Variants in CAMKMT observed in about 807,000 individuals in gnomAD.
CAMKMT encodes calmodulin-lysine N-methyltransferase.
A neutral mutation model predicts 48.0 loss-of-function variants in CAMKMT; 53 were observed. That is an observed-to-expected ratio of 1.10 (90% CI 0.89 to 1.39). CAMKMT has a LOEUF of 1.39. Ranked by LOEUF, CAMKMT falls within the 40% of genes most tolerant of loss-of-function variation. CAMKMT has a pLI of 0.00. For synonymous variants in CAMKMT, 165 were observed against 152.3 expected, an observed-to-expected ratio of 1.08 and a Z score of -0.61; for missense variants, 428 against 402.7, an observed-to-expected ratio of 1.06 and a Z score of -0.54.
rs192665253 is a variant in CAMKMT at position 44,511,371 on chromosome 2, C to T, written c.376+121066C>T. ...TGGCGCCATCTCGGCTCACTGCAAC[C>T]TCCGCCTACTAGGTTCAAGCAATTC... On this transcript the variant is annotated intron_variant, in intron 3 of 10. Coordinates refer to ENST00000378494, the MANE Select transcript of CAMKMT (RefSeq NM_024766.5). Among the ~76,000 whole-genome samples the T allele has an allele frequency of 1.1e-4, 17 of 152,310 alleles. No homozygotes were observed. The East Asian group carries it at 1.4e-3, about 12-fold the overall frequency.
In CAMKMT at chr2:44,756,169, G is replaced by C. The variant is rs192201447; in HGVS notation, c.762+2051G>C. Among the ~76,000 whole-genome samples, 15 of 152,308 alleles carry C rather than the reference G, an allele frequency of 9.8e-5. No homozygotes were observed. The East Asian group carries it at 2.9e-3, about 29-fold the overall frequency. On this transcript the variant is annotated intron_variant, in intron 9 of 10. Coordinates refer to ENST00000378494, the MANE Select transcript of CAMKMT (RefSeq NM_024766.5). ...CAAATGGACCACAGAAGGACCATGT[G>C]GGCTTGCCAGTGAAGAGCCCAGTCC...
intron 3 of CAMKMT, among the ~76,000 whole-genome samples, chr2:44,411,777 G>C (rs77643193): frequency 0.023 from 3,529 of 151,892 alleles, 155 homozygotes; most frequent in African/African-American, 0.081. Flanking sequence ...GTTTCCACCA[G>C]TTGCCTTAGT....
intron 3 of CAMKMT, among the ~76,000 whole-genome samples, chr2:44,405,434 A>G (rs1231421061): frequency 6.6e-6 from 1 of 152,132 alleles, no homozygotes; most frequent in African/African-American, 2.4e-5. Context: ...GGTGTTGAGT[A>G]ATGCATAAAA....
intron 3 of CAMKMT, among the ~76,000 whole-genome samples, chr2:44,629,123 C>G (rs147609724): frequency 1.1e-4 from 17 of 152,232 alleles, no homozygotes; most frequent in Non-Finnish European, 2.2e-4. Context: ...AGTGAAATCT[C>G]CTATATAATA....
chr2:44,463,272 A>T (rs1667940181), intron 3 of CAMKMT, among the ~76,000 whole-genome samples: 1 of 152,234 alleles, frequency 6.6e-6, no homozygotes, highest in Non-Finnish European at 1.5e-5. Flanking sequence ...CTGACTTAAC[A>T]ATATATGACC....
chr2:44,428,391 T>A (rs1684418704), intron 3 of CAMKMT, among the ~76,000 whole-genome samples: 1 of 152,212 alleles, frequency 6.6e-6, no homozygotes, highest in South Asian at 2.1e-4. Context: ...TTTCCTTCTC[T>A]GTTGTGCTGC....
intron 3 of CAMKMT, among the ~76,000 whole-genome samples, chr2:44,420,442 C>T (rs1370643056): frequency 6.6e-6 from 1 of 152,090 alleles, no homozygotes; most frequent in Non-Finnish European, 1.5e-5. Context: ...GCTGACTCCT[C>T]CCTAATCAAA....
At chr2:44,513,455 T>C (rs1254479717) in intron 3 of CAMKMT, among the ~76,000 whole-genome samples, 1 of 152,238 alleles carries the variant, frequency 6.6e-6, no homozygotes, top group East Asian at 1.9e-4. Context: ...GTGTCTGATA[T>C]ACCTTATCTC....
chr2:44,494,177 A>T (rs1056995879), intron 3 of CAMKMT, among the ~76,000 whole-genome samples: 1 of 152,262 alleles, frequency 6.6e-6, no homozygotes, highest in African/African-American at 2.4e-5. Flanking sequence ...TCAAAGAGAC[A>T]TACAGAAACC....
At chr2:44,551,049 C>T (rs1667687375) in intron 3 of CAMKMT, among the ~76,000 whole-genome samples, 1 of 152,110 alleles carries the variant, frequency 6.6e-6, no homozygotes, top group Non-Finnish European at 1.5e-5. Context: ...TGTAAAAAGT[C>T]TCATCTATTC....
intron 3 of CAMKMT, among the ~76,000 whole-genome samples, chr2:44,450,116 G>A (rs1247346817): frequency 1.3e-5 from 2 of 152,078 alleles, no homozygotes; most frequent in Non-Finnish European, 2.9e-5. Flanking sequence ...CTTTTACTGA[G>A]CAGTGGATTT....
intron 3 of CAMKMT, among the ~76,000 whole-genome samples, chr2:44,553,152 A>G (rs115720902): frequency 0.018 from 2,687 of 152,310 alleles, 31 homozygotes; most frequent in Middle Eastern, 0.075. Flanking sequence ...AGTAGACACT[A>G]TTTAAGTACC....
chr2:44,366,752 C>T (rs1678635552), intron 1 of CAMKMT, among the ~76,000 whole-genome samples: 1 of 136,950 alleles, frequency 7.3e-6, no homozygotes, highest in Non-Finnish European at 1.7e-5. Flanking sequence ...GACAAAGTCT[C>T]ACTCCATCAT....
chr2:44,685,108 G>T (rs887833213), intron 3 of CAMKMT, among the ~76,000 whole-genome samples: 1 of 151,872 alleles, frequency 6.6e-6, no homozygotes, highest in Non-Finnish European at 1.5e-5. Context: ...TCCTCAAGCA[G>T]TTTATGTTCA....
intron 6 of CAMKMT, among the ~76,000 whole-genome samples, chr2:44,712,741 AC>A (rs1322410393): frequency 6.6e-6 from 1 of 152,176 alleles, no homozygotes; most frequent in Non-Finnish European, 1.5e-5. Context: ...TTCAGAGAAC[AC>A]GATTTGGCCC....
At chr2:44,586,078 A>T (rs1352314135) in intron 3 of CAMKMT, among the ~76,000 whole-genome samples, 1 of 152,188 alleles carries the variant, frequency 6.6e-6, no homozygotes, top group African/African-American at 2.4e-5. Flanking sequence ...ACCACTCTTC[A>T]AATCGTACAG....
intron 3 of CAMKMT, among the ~76,000 whole-genome samples, chr2:44,553,960 G>T (rs1427527823): frequency 1.3e-5 from 2 of 152,154 alleles, no homozygotes; most frequent in African/African-American, 4.8e-5. Context: ...ATTTAAAAAA[G>T]AGGTTGTAGG....
chr2:44,401,499 G>A (rs1008092179), intron 3 of CAMKMT, among the ~76,000 whole-genome samples: 2 of 152,028 alleles, frequency 1.3e-5, no homozygotes, highest in Non-Finnish European at 2.9e-5. Flanking sequence ...GGAGGTTGCA[G>A]TGAGCTGAGA....
chr2:44,579,899 AT>A (rs10706499), intron 3 of CAMKMT, among the ~76,000 whole-genome samples: 97,841 of 152,036 alleles, frequency 0.64, 31,977 homozygotes, highest in Admixed American at 0.71. Context: ...AGTGACTGCC[AT>A]TTCTTTTGGA....
Sources: gnomAD v4.1 joint callset for allele counts (sites outside exome capture counted in the v4.1 genomes callset) on GRCh38, gnomAD v4.1.1 for gene constraint, MANE v1.5 for transcripts, NCBI Gene and HGNC (gene_info 2026-07-23, HGNC 2026-07-21) for gene names.